Variants in CD84 observed in about 807,000 individuals in gnomAD.
The protein encoded by CD84 is CD84 molecule, also known as SLAM family member 5.
Under a neutral mutation model 33.8 loss-of-function variants are expected in CD84, and 22 were observed. The observed-to-expected ratio is 0.65, with a 90% CI of 0.46 to 0.93. The LOEUF (loss-of-function observed/expected upper bound fraction) is 0.93. Ranked by LOEUF, CD84 falls within the 40% of genes least tolerant of loss-of-function variation. The pLI, the probability that CD84 is intolerant of heterozygous loss-of-function variation, is 0.00. For synonymous variants in CD84, 154 were observed against 145.2 expected, an observed-to-expected ratio of 1.06 and a Z score of -0.44; for missense variants, 400 against 397.6, an observed-to-expected ratio of 1.01 and a Z score of -0.05.
intron 1 of CD84, chr1:160,571,043 A>G (rs1657663630): frequency 6.6e-6 from 1 of 152,196 alleles, no homozygotes; most frequent in East Asian, 1.9e-4. Context: ...TGGAACCCCA[A>G]TGACCTTGTG....
intron 1 of CD84, among the ~76,000 whole-genome samples, chr1:160,576,783 G>A (rs1179319490): frequency 2.0e-5 from 3 of 152,134 alleles, no homozygotes; most frequent in African/African-American, 7.2e-5. Context: ...ATCTCATAGT[G>A]TATTGTAAGG....
chr1:160,579,273 C>T, intron 1 of CD84, 119 bp downstream of exon 1: 1 of 1,403,732 alleles, frequency 7.1e-7, no homozygotes, highest in Non-Finnish European at 9.9e-7. Context: ...ACAGTAGATA[C>T]TGAGACCCAG....
chr1:160,548,202 G>T lies in CD84; in HGVS notation c.*54C>A. On this transcript the variant is annotated 3_prime_UTR_variant, in exon 7 of 7. Transcript: ENST00000368054. ...GAGAAGATCTGGATCCAGGGAACCT[G>T]CCAGTATTGGTGGTTGTAACTCAGT... is the stretch of plus-strand genomic sequence containing the variant. 6.4e-7 allele frequency: 1 copy of T among 1,574,774 alleles called. No individual in the cohort carries two copies. The highest frequency in any genetic ancestry group is 8.7e-7 in the Non-Finnish European group (1 of 1,144,476).
chr1:160,550,475 C>T (rs1046385004), intron 5 of CD84: 1 of 256,074 alleles, frequency 3.9e-6, no homozygotes. Context: ...GGAACAGTGA[C>T]TCTGAGTCTG....
chr1:160,560,204 C>T (rs1026027506), intron 2 of CD84, among the ~76,000 whole-genome samples: 1 of 152,128 alleles, frequency 6.6e-6, no homozygotes, highest in Non-Finnish European at 1.5e-5. Flanking sequence ...CTTCTCAACA[C>T]CGTATGCACT....
In CD84 at chr1:160,549,958, G is replaced by T. The variant is rs938795332; in HGVS notation, c.880C>A (p.Pro294Thr). 6.2e-7 allele frequency: 1 copy of T among 1,612,630 alleles called. No individual in the cohort carries two copies. Among genetic ancestry groups the T allele is most frequent in the Non-Finnish European group, 8.5e-7 (1 of 1,178,694 alleles). The change falls in exon 6 of 7, where the codon CCA (proline) becomes ACA (threonine). Residue 294 changes from proline to threonine, a missense_variant. Coordinates refer to ENST00000368054, the MANE Select transcript of CD84 (RefSeq NM_003874.4). ...ACTTCGGAATAAACTGTGTTCACTG[G>T]CTCTTCCTTGGAGGGAAGCACCTGT... ...QSKVLPSKEE[P>T]VNTVYSEVQF... is the part of the protein sequence containing the mutation.
chr1:160,557,250 G>A (rs6427532), intron 2 of CD84, among the ~76,000 whole-genome samples: 7,590 of 152,210 alleles, frequency 0.05, 644 homozygotes, highest in African/African-American at 0.17. Flanking sequence ...CGTTCTTTCC[G>A]CTATGCTGTC....
At chr1:160,573,736 T>G (rs1250164794) in intron 1 of CD84, among the ~76,000 whole-genome samples, 1 of 152,178 alleles carries the variant, frequency 6.6e-6, no homozygotes, top group African/African-American at 2.4e-5. Flanking sequence ...GCATTGCCTG[T>G]GCTTATTTAT....
At chr1:160,563,139 G>A (rs1417269931) in intron 2 of CD84, among the ~76,000 whole-genome samples, 1 of 152,176 alleles carries the variant, frequency 6.6e-6, no homozygotes, top group East Asian at 1.9e-4. Flanking sequence ...TTACAATGTT[G>A]GTGGGAGTGT....
chr1:160,567,881 G>C (rs934860550), intron 1 of CD84, among the ~76,000 whole-genome samples: 1 of 152,158 alleles, frequency 6.6e-6, no homozygotes, highest in Non-Finnish European at 1.5e-5. Flanking sequence ...ATGGGCATGT[G>C]ATCTATGCAG....
intron 2 of CD84, among the ~76,000 whole-genome samples, chr1:160,557,789 G>T (rs926958579): frequency 1.3e-5 from 2 of 152,168 alleles, no homozygotes; most frequent in Admixed American, 6.5e-5. Flanking sequence ...CCATCTCTGT[G>T]GTTCAGTAGC....
chr1:160,553,848 A>G, intron 3 of CD84, 47 bp downstream of exon 3: 1 of 1,613,880 alleles, frequency 6.2e-7, no homozygotes, highest in Non-Finnish European at 8.5e-7. Context: ...GCAGCTCCTC[A>G]GAGTGATCTC....
At position 160,552,668 on chromosome 1, in the gene CD84, A is replaced by G. The variant is rs112448256; in HGVS notation, c.760+710T>C. On this transcript the variant is annotated intron_variant, in intron 4 of 6. Coordinates refer to ENST00000368054, the MANE Select transcript of CD84 (RefSeq NM_003874.4). ...CTGTTGGGAACTCCCCATCCCTCCC[A>G]ATTGTTATTCAAGGAACTTTGTGGC... 6.2e-3 allele frequency: 9,182 copies of G among 1,478,172 alleles called. 478 individuals are homozygous for G. The African/African-American group carries it at 0.11, about 18-fold the overall frequency. 91.6% of individuals were successfully genotyped at this position (1,478,172 alleles called of 1,614,324 possible).
At chr1:160,575,996 G>A (rs1657975777) in intron 1 of CD84, among the ~76,000 whole-genome samples, 1 of 152,172 alleles carries the variant, frequency 6.6e-6, no homozygotes, top group South Asian at 2.1e-4. Flanking sequence ...TTACCCATAT[G>A]TAATATATTT....
At chr1:160,555,197 CAGCCTCCCGAGGAGT>C (rs1260431669) in intron 2 of CD84, among the ~76,000 whole-genome samples, 1 of 151,680 alleles carries the variant, frequency 6.6e-6, no homozygotes, top group African/African-American at 2.4e-5. Context: ...TCTCCTGCCT[CAGCCTCCCGAGGAGT>C]AGCTGGGACT....
chr1:160,553,933 T>G lies in CD84; in HGVS notation c.602A>C (p.Asn201Thr). ...CCGGGCAGAGATGGAGTCAGAATTG[T>G]TGCTGACAGGGTTCTGGGCTGTACA... ...YTCTAQNPVS[N>T]NSDSISARQL... is the part of the protein sequence containing the mutation. Residue 201 changes from asparagine (N) to threonine (T), a missense_variant, in exon 3 of 7, where the codon AAC becomes ACC. Transcript: ENST00000368054. 1 of 1,614,232 alleles carries G rather than the reference T, an allele frequency of 6.2e-7. No homozygotes were observed.
chr1:160,578,176 T>A (rs1279800023), intron 1 of CD84, among the ~76,000 whole-genome samples: 1 of 152,242 alleles, frequency 6.6e-6, no homozygotes, highest in Non-Finnish European at 1.5e-5. Flanking sequence ...ATGGGATTAA[T>A]AACGTCTATC....
intron 2 of CD84, among the ~76,000 whole-genome samples, chr1:160,556,243 G>A (rs1020233356): frequency 6.6e-6 from 1 of 152,142 alleles, no homozygotes; most frequent in Non-Finnish European, 1.5e-5. Context: ...AGTCATGGCC[G>A]ACAGATCTTC....
rs60822342 is a variant in CD84, at chr1:160,563,918, C to T, written c.388+1486G>A. Among the ~76,000 whole-genome samples, 1,485 of 152,172 alleles carry T rather than the reference C, an allele frequency of 9.8e-3. 30 individuals carry two copies. Among genetic ancestry groups the T allele is most frequent in the African/African-American group, 0.034 (1,415 of 41,498 alleles). On this transcript the variant is annotated intron_variant, in intron 2 of 6. Transcript: ENST00000368054. ...CTAGAGGCTACCATAGTGAATAGGGCAGCACTAGGTCCGTACTTTCTCAAA... is the reference window on the plus strand; with the variant it reads ...CTAGAGGCTACCATAGTGAATAGGGTAGCACTAGGTCCGTACTTTCTCAAA...
Sources: gnomAD v4.1 joint callset for allele counts (sites outside exome capture counted in the v4.1 genomes callset) on GRCh38, gnomAD v4.1.1 for gene constraint, MANE v1.5 for transcripts, NCBI Gene and HGNC (gene_info 2026-07-23, HGNC 2026-07-21) for gene names.